Variants in SYTL5 observed in about 807,000 individuals in gnomAD.
SYTL5 encodes synaptotagmin like 5.
Under a neutral mutation model 55.9 loss-of-function variants are expected in SYTL5, and 34 were observed. The ratio of observed to expected loss-of-function variants is 0.61; its 90% CI spans 0.46 to 0.81. SYTL5 has a LOEUF of 0.81. Ranked by LOEUF, SYTL5 falls within the 30% of genes least tolerant of loss-of-function variation. The pLI is 0.00. For synonymous variants in SYTL5, 221 were observed against 188.7 expected, an observed-to-expected ratio of 1.17 and a Z score of -1.40; for missense variants, 637 against 546.7, an observed-to-expected ratio of 1.17 and a Z score of -1.65.
chrX:38,074,833 A>G (rs959966288), intron 5 of SYTL5, among the ~76,000 whole-genome samples: 2 of 110,995 alleles, frequency 1.8e-5, no homozygotes, highest in African/African-American at 3.3e-5. Context: ...GAGTTCATTT[A>G]TCACTCTTTG....
chrX:38,119,029 G>A (rs779579615), intron 13 of SYTL5, among the ~76,000 whole-genome samples: 1 of 101,279 alleles, frequency 9.9e-6, no homozygotes, highest in South Asian at 4.4e-4. Context: ...GCCCAGGCTG[G>A]TCTCAAACTC....
intron 9 of SYTL5, among the ~76,000 whole-genome samples, chrX:38,096,719 C>A (rs756431412): frequency 9.0e-6 from 1 of 111,207 alleles, no homozygotes; most frequent in East Asian, 2.8e-4. Context: ...ATTTCCCAGT[C>A]TAATATTCTG....
At chrX:38,118,945 G>A (rs778161413) in intron 13 of SYTL5, among the ~76,000 whole-genome samples, 6 of 77,966 alleles carry the variant, frequency 7.7e-5, no homozygotes, top group Non-Finnish European at 1.1e-4. Flanking sequence ...ATATATGTAC[G>A]CATATACATA....
At chrX:38,048,635 C>G (rs951945489) in intron 2 of SYTL5, among the ~76,000 whole-genome samples, 1 of 110,145 alleles carries the variant, frequency 9.1e-6, no homozygotes. Flanking sequence ...TAGCAGAGAA[C>G]AGAAGAGAAA....
chrX:38,113,175 T>A (rs1377311806), intron 13 of SYTL5, among the ~76,000 whole-genome samples: 1 of 112,010 alleles, frequency 8.9e-6, no homozygotes, highest in African/African-American at 3.2e-5. Flanking sequence ...TTTTACTTCA[T>A]GGCATGGGAT....
chrX:38,026,919 C>T (rs1167541007), intron 1 of SYTL5, among the ~76,000 whole-genome samples: 1 of 112,291 alleles, frequency 8.9e-6, no homozygotes, highest in African/African-American at 3.2e-5. Context: ...GATGGCATTG[C>T]TCTGGTTCAA....
chrX:37,964,167 C>G, the SYTL5 span, among the ~76,000 whole-genome samples: 1 of 111,356 alleles, frequency 9.0e-6, no homozygotes, highest in South Asian at 3.8e-4. Context: ...AAAGAGGACC[C>G]AAAGAGCTCC....
Position 38,126,702 on chromosome X carries a change from G to C in SYTL5, c.2165G>C (p.Arg722Pro), listed in dbSNP as rs775058607. 1.7e-6 allele frequency: 2 copies of C among 1,209,345 alleles called. No homozygotes were observed. The highest frequency in any genetic ancestry group is 4.4e-5 in the Admixed American group (2 of 45,807). Residue 722 changes from arginine to proline, a missense_variant, in exon 17 of 17, where the codon CGT becomes CCT. By Grantham distance (103) the Arg-to-Pro change is moderately radical. Coordinates refer to ENST00000297875, the MANE Select transcript of SYTL5 (RefSeq NM_138780.3). ...GTPFEGVLML[R>P]SSMGKCRL ...CCCTTTGAGGGTGTACTCATGCTTC[G>C]TTCCAGCATGGGAAAATGTAGGCTC...
intron 3 of SYTL5, among the ~76,000 whole-genome samples, chrX:38,070,586 T>A (rs1002595623): frequency 9.0e-6 from 1 of 111,680 alleles, no homozygotes; most frequent in African/African-American, 3.3e-5. Flanking sequence ...TTAGAAAAAC[T>A]GCTAGAATGA....
At chrX:38,054,987 G>T (rs951274062) in intron 3 of SYTL5, among the ~76,000 whole-genome samples, 1 of 111,338 alleles carries the variant, frequency 9.0e-6, no homozygotes, top group African/African-American at 3.3e-5. Context: ...AAAGTGCTAG[G>T]ATTACAGGCA....
intron 2 of SYTL5, among the ~76,000 whole-genome samples, chrX:38,048,441 C>G (rs1263926814): frequency 1.9e-5 from 2 of 107,622 alleles, no homozygotes; most frequent in Non-Finnish European, 3.8e-5. Flanking sequence ...ATCTTTTCAG[C>G]AGTGTCCTAT....
the SYTL5 span, among the ~76,000 whole-genome samples, chrX:37,911,124 C>T: frequency 2.8e-5 from 3 of 108,488 alleles, no homozygotes; most frequent in Non-Finnish European, 5.7e-5. Flanking sequence ...TGCCACCATA[C>T]CCAGCTAATT....
At chrX:38,111,804 T>C (rs1258465120) in intron 13 of SYTL5, among the ~76,000 whole-genome samples, 2 of 112,002 alleles carry the variant, frequency 1.8e-5, no homozygotes, top group Admixed American at 9.4e-5. Context: ...CTATTGACTG[T>C]GGCCAGGGAG....
At chrX:38,005,742 T>C (rs73632423), upstream of SYTL5, among the ~76,000 whole-genome samples, 1,007 of 111,252 alleles carry the variant, frequency 9.1e-3, 12 homozygotes, top group African/African-American at 0.032. Flanking sequence ...TTTGTATGAG[T>C]TTTTTAACAT....
chrX:38,117,652 A>G (rs1461715179), intron 13 of SYTL5, among the ~76,000 whole-genome samples: 9 of 111,827 alleles, frequency 8.0e-5, no homozygotes, highest in African/African-American at 2.3e-4. Flanking sequence ...CAGATGGTTG[A>G]CTGAGGCTGA....
At chrX:37,971,275 C>G in the SYTL5 span, among the ~76,000 whole-genome samples, 2 of 110,052 alleles carry the variant, frequency 1.8e-5, no homozygotes, top group African/African-American at 6.6e-5. Context: ...AGCTAAATAG[C>G]CTTACATTTG....
chrX:37,935,321 A>G, the SYTL5 span, among the ~76,000 whole-genome samples: 1 of 112,379 alleles, frequency 8.9e-6, no homozygotes, highest in Non-Finnish European at 1.9e-5. Context: ...ATTTGTCACT[A>G]GCAGACCTGT....
At chrX:37,892,808 G>A in the SYTL5 span, among the ~76,000 whole-genome samples, 5 of 91,819 alleles carry the variant, frequency 5.4e-5, no homozygotes, top group African/African-American at 2.0e-4. Flanking sequence ...TACAATATAT[G>A]TATGTATAAT....
chrX:38,127,793 T>C lies in SYTL5; in HGVS notation c.*1063T>C, dbSNP rs762871249. ...GAAGATTGGCTATGGCACCTCTGCT[T>C]CCTGCTATAGGCCTGAGGTTCTAGG... On this transcript the variant is annotated 3_prime_UTR_variant, in exon 17 of 17. Coordinates refer to ENST00000297875, the MANE Select transcript of SYTL5 (RefSeq NM_138780.3). 1.1e-4 allele frequency: 12 copies of C among 112,402 alleles called. No individual in the cohort carries two copies. The highest frequency in any genetic ancestry group is 3.2e-4 in the African/African-American group (10 of 30,936). 9.3% of individuals were successfully genotyped at this position (112,402 alleles called of 1,213,427 possible).
Sources: allele counts gnomAD v4.1 joint callset (sites outside exome capture counted in the v4.1 genomes callset), GRCh38; gene constraint gnomAD v4.1.1; transcripts MANE v1.5; gene names NCBI Gene and HGNC (gene_info 2026-07-23, HGNC 2026-07-21).